Variants in RAD51B observed in about 807,000 individuals in gnomAD.
RAD51B encodes the protein RAD51 paralog B, also known as DNA repair protein RAD51 homolog 2.
Under a neutral mutation model 42.2 loss-of-function variants are expected in RAD51B, and 38 were observed. The ratio of observed to expected loss-of-function variants is 0.90; its 90% CI spans 0.70 to 1.18. RAD51B has a LOEUF of 1.18. Ranked by LOEUF, RAD51B falls within the 50% of genes most tolerant of loss-of-function variation. The pLI is 0.00. For synonymous variants in RAD51B, 154 were observed against 145.2 expected, an observed-to-expected ratio of 1.06 and a Z score of -0.43; for missense variants, 373 against 400.7, an observed-to-expected ratio of 0.93 and a Z score of 0.59.
Position 67,885,756 on chromosome 14 carries a change from C to T in RAD51B, c.453-113C>T. Reference sequence around the variant, plus strand: ...GTATATTAAGCCATTTTGCTTATACCTGCTCTATTGATAAGGCTTAGGAGT... The same window carrying T: ...GTATATTAAGCCATTTTGCTTATACTTGCTCTATTGATAAGGCTTAGGAGT... On this transcript the variant is annotated intron_variant, in intron 5 of 10. Coordinates refer to ENST00000471583, the MANE Select transcript of RAD51B (RefSeq NM_133510.4). The T allele has an allele frequency of 2.9e-6, 4 of 1,364,546 alleles. No individual in the cohort carries two copies. In the South Asian group the frequency reaches 5.4e-5, roughly 19 times the overall value. 84.5% of individuals were successfully genotyped at this position (1,364,546 alleles called of 1,614,324 possible). A position where few individuals can be genotyped will look rare whatever the true frequency, so the allele number is the denominator to read the frequency against.
chr14:68,671,092 T>C (rs1326172640), intron 11 of RAD51B, among the ~76,000 whole-genome samples: 1 of 152,136 alleles, frequency 6.6e-6, no homozygotes, highest in Non-Finnish European at 1.5e-5. Flanking sequence ...TCTAGCTCTG[T>C]TGGCAAAATG....
At chr14:68,552,126 A>G (rs1052959684) in intron 10 of RAD51B, among the ~76,000 whole-genome samples, 1 of 152,166 alleles carries the variant, frequency 6.6e-6, no homozygotes, top group Non-Finnish European at 1.5e-5. Context: ...AGCCCAGGAG[A>G]TACAGTAACC....
At position 68,267,444 on chromosome 14, in the gene RAD51B, T is replaced by A. The variant is rs17250790; in HGVS notation, c.757-24440T>A. Among the ~76,000 whole-genome samples the A allele has an allele frequency of 4.1e-4, 62 of 152,338 alleles. No individual in the cohort carries two copies. In the East Asian group the frequency reaches 9.8e-3, roughly 24 times the overall value. On this transcript the variant is annotated intron_variant, in intron 7 of 10. Transcript: ENST00000471583. Reference sequence around the variant, plus strand: ...GAGATGATGTCAAAGAGAACATGTTTACCACTGGGAGAGTCAAATGAAAGA... The same window carrying A: ...GAGATGATGTCAAAGAGAACATGTTAACCACTGGGAGAGTCAAATGAAAGA...
intron 10 of RAD51B, among the ~76,000 whole-genome samples, chr14:68,642,009 T>C (rs977893100): frequency 6.6e-6 from 1 of 152,214 alleles, no homozygotes; most frequent in African/African-American, 2.4e-5. Flanking sequence ...TTTGCTAATA[T>C]TTTGTTGAGG....
chr14:68,355,591 G>A (rs2082883347), intron 8 of RAD51B, among the ~76,000 whole-genome samples: 1 of 152,176 alleles, frequency 6.6e-6, no homozygotes, highest in East Asian at 1.9e-4. Flanking sequence ...CACAGCTGGA[G>A]ATTGGTTCAG....
At chr14:68,191,158 G>C (rs768436584) in intron 7 of RAD51B, among the ~76,000 whole-genome samples, 36 of 152,088 alleles carry the variant, frequency 2.4e-4, no homozygotes, top group Non-Finnish European at 5.9e-5. Flanking sequence ...GGCAGAGATG[G>C]GAGAAGAAAT....
rs1167998841 is a variant in RAD51B at position 68,454,835 on chromosome 14, T to C, written c.958-13337T>C. ...TGCCAACAAGAGGCTGACCAAAAAATACAAAAGGAAAATCTGGGGGAATGA... is the reference window on the plus strand; with the variant it reads ...TGCCAACAAGAGGCTGACCAAAAAACACAAAAGGAAAATCTGGGGGAATGA... On this transcript the variant is annotated intron_variant, in intron 9 of 10. Coordinates refer to ENST00000471583, the MANE Select transcript of RAD51B (RefSeq NM_133510.4). Among the ~76,000 whole-genome samples, 18 of 152,190 alleles carry C rather than the reference T, an allele frequency of 1.2e-4. 1 individual carries two copies. The highest frequency in any genetic ancestry group is 8.8e-5 in the Non-Finnish European group (6 of 67,998).
At chr14:68,048,976 A>G (rs1035312707) in intron 7 of RAD51B, among the ~76,000 whole-genome samples, 2 of 152,244 alleles carry the variant, frequency 1.3e-5, no homozygotes, top group African/African-American at 4.8e-5. Context: ...CAACAATGAT[A>G]GACTGGATTG....
chr14:67,885,623 CATT>C, intron 5 of RAD51B: 1 of 269,476 alleles, frequency 3.7e-6, no homozygotes, highest in East Asian at 6.4e-5. Context: ...TCTCAAGAGA[CATT>C]GTTGTTTGCT....
At chr14:68,230,725 A>C (rs2080132174) in intron 7 of RAD51B, among the ~76,000 whole-genome samples, 1 of 152,232 alleles carries the variant, frequency 6.6e-6, no homozygotes, top group South Asian at 2.1e-4. Context: ...AGGAGTTGCC[A>C]AAAAGACCCT....
chr14:68,117,335 T>C (rs1470912567), intron 7 of RAD51B, among the ~76,000 whole-genome samples: 2 of 152,188 alleles, frequency 1.3e-5, no homozygotes, highest in African/African-American at 2.4e-5. Context: ...TTATAAATTC[T>C]CCATTAAATG....
In RAD51B at chr14:67,968,771, A is replaced by C. The variant is rs1407589848; in HGVS notation, c.756+81567A>C. Among the ~76,000 whole-genome samples, 4 of 152,134 alleles carry C rather than the reference A, an allele frequency of 2.6e-5. No homozygotes were observed. The East Asian group carries it at 7.7e-4, about 29-fold the overall frequency. ...TTTCTTTTCTTCTTCTGAGCCCTTC[A>C]AACTGTTCCAACCTCTGCCTGATAC... is the stretch of plus-strand genomic sequence containing the variant. On this transcript the variant is annotated intron_variant, in intron 7 of 10. Transcript: ENST00000471583.
At chr14:67,839,956 A>T (rs888269123) in intron 4 of RAD51B, among the ~76,000 whole-genome samples, 2 of 151,404 alleles carry the variant, frequency 1.3e-5, no homozygotes, top group South Asian at 4.1e-4. Flanking sequence ...TTACTTAATT[A>T]AAAAAATTTA....
chr14:67,945,926 A>G (rs2045375693), intron 7 of RAD51B, among the ~76,000 whole-genome samples: 1 of 152,226 alleles, frequency 6.6e-6, no homozygotes, highest in Non-Finnish European at 1.5e-5. Flanking sequence ...CATAACCCTT[A>G]AAAGGTTAAA....
Position 68,029,245 on chromosome 14 carries a change from C to G in RAD51B, c.756+142041C>G, listed in dbSNP as rs370581672. Among the ~76,000 whole-genome samples, 3 of 152,310 alleles carry G rather than the reference C, an allele frequency of 2.0e-5. No individual in the cohort carries two copies. In the East Asian group the frequency reaches 5.8e-4, roughly 29 times the overall value. ...TGGTTTACTTGAAATTTTGGTCTCTCTTGTGGGGAGCAGTGCTTCTTGGCT... is the reference window on the plus strand; with the variant it reads ...TGGTTTACTTGAAATTTTGGTCTCTGTTGTGGGGAGCAGTGCTTCTTGGCT... On this transcript the variant is annotated intron_variant, in intron 7 of 10. Transcript: ENST00000471583.
At chr14:68,314,857 C>G (rs932028350) in intron 8 of RAD51B, among the ~76,000 whole-genome samples, 5 of 152,166 alleles carry the variant, frequency 3.3e-5, no homozygotes, top group Non-Finnish European at 7.3e-5. Context: ...CCACTGCCAC[C>G]ACCATCCAGT....
At chr14:68,558,451 T>C (rs1372413594) in intron 10 of RAD51B, among the ~76,000 whole-genome samples, 3 of 152,252 alleles carry the variant, frequency 2.0e-5, no homozygotes, top group Non-Finnish European at 4.4e-5. Context: ...TTCTGGAGGC[T>C]AGAGGTGTGA....
At chr14:68,463,340 T>G (rs913990778) in intron 9 of RAD51B, among the ~76,000 whole-genome samples, 4 of 152,214 alleles carry the variant, frequency 2.6e-5, no homozygotes, top group African/African-American at 9.7e-5. Context: ...ACACTTCCCC[T>G]CACTAGTATA....
At chr14:67,976,653 G>T in intron 7 of RAD51B, among the ~76,000 whole-genome samples, 1 of 152,004 alleles carries the variant, frequency 6.6e-6, no homozygotes, top group Non-Finnish European at 1.5e-5. Flanking sequence ...ACATAGGCAT[G>T]GGCAAGGACT....
Sources: allele counts gnomAD v4.1 joint callset (sites outside exome capture counted in the v4.1 genomes callset), GRCh38; gene constraint gnomAD v4.1.1; transcripts MANE v1.5; gene names NCBI Gene and HGNC (gene_info 2026-07-23, HGNC 2026-07-21).